Variants in ABCB1 observed in about 807,000 individuals in gnomAD.
ABCB1 encodes ATP-dependent translocase ABCB1.
Under a neutral mutation model 142.0 loss-of-function variants are expected in ABCB1, and 69 were observed. The observed-to-expected ratio is 0.49, with a 90% confidence interval of 0.40 to 0.59. The LOEUF is 0.59. Among genes scored for constraint, ABCB1 ranks in the 20% least tolerant of loss-of-function variants. The probability of loss-of-function intolerance (pLI) is 0.00; values close to 1 mark genes in which losing one functional copy is unlikely to be tolerated. For synonymous variants in ABCB1, 532 were observed against 539.2 expected (o/e 0.99, Z 0.18); for missense variants, 1,326 against 1,554.7 (o/e 0.85, Z 2.47).
chr7:87,555,076 T>A (rs1178395278), intron 8 of ABCB1, among the ~76,000 whole-genome samples: 5 of 152,222 alleles, frequency 3.3e-5, no homozygotes, highest in Admixed American at 3.3e-4. Context: ...AAGGAGATGA[T>A]GTCTATAACT....
At position 87,515,422 on chromosome 7, in the gene ABCB1, A is replaced by T; in HGVS notation, c.3091T>A (p.Leu1031Met). The change falls in exon 25 of 28, where the codon TTG becomes ATG. Residue 1031 changes from leucine (L) to methionine (M), a missense_variant. Transcript: ENST00000622132. ...YSTEGLMPNT[L>M]EGNVTFGEVV... ...TCACCAAATGTGACATTTCCTTCCA[A>T]TGTGTTCTGCAATGAGAAGAATAAC... is the stretch of plus-strand genomic sequence containing the variant. The T allele has an allele frequency of 6.2e-7, 1 of 1,614,058 alleles. No homozygotes were observed. The highest frequency in any genetic ancestry group is 8.5e-7 in the Non-Finnish European group (1 of 1,179,938).
Position 87,550,770 on chromosome 7 carries a change from T to A in ABCB1, c.1068A>T (p.Ala356=). ...TTTCATAAGCTGCTCCTCTTGCATT[T>A]GCAAATGCTTCAATGCTTGGAGATG... The part of the protein sequence containing the change: ...GQASPSIEAF[A]NARGAAYEIF... The change falls in exon 10 of 28, where the codon GCA becomes GCT. Residue 356 remains alanine (A), a synonymous_variant. Transcript: ENST00000622132. The A allele has an allele frequency of 6.2e-7, 1 of 1,614,050 alleles. No individual in the cohort carries two copies. Among genetic ancestry groups the A allele is most frequent in the African/African-American group, 1.3e-5 (1 of 75,072 alleles).
intron 24 of ABCB1, among the ~76,000 whole-genome samples, chr7:87,515,648 T>C (rs1815207397): frequency 6.6e-6 from 1 of 152,062 alleles, no homozygotes; most frequent in Non-Finnish European, 1.5e-5. Flanking sequence ...TGGAGTGCAG[T>C]GGCATGATCT....
chr7:87,513,527 A>G (rs993230265), intron 25 of ABCB1, among the ~76,000 whole-genome samples: 2 of 152,208 alleles, frequency 1.3e-5, no homozygotes, highest in African/African-American at 4.8e-5. Context: ...TGAGTACATT[A>G]GTGGATGGTG....
chr7:87,539,721 C>T (rs7795817), intron 18 of ABCB1, among the ~76,000 whole-genome samples: 10,759 of 152,172 alleles, frequency 0.071, 717 homozygotes, highest in African/African-American at 0.17. Flanking sequence ...GGTGGTCTAA[C>T]ATCTTTAGGC....
chr7:87,710,247 G>T (rs1829948610), intron 1 of ABCB1, among the ~76,000 whole-genome samples: 1 of 152,112 alleles, frequency 6.6e-6, no homozygotes. Flanking sequence ...TTGCGGTATT[G>T]AAGTAGAGAG....
intron 26 of ABCB1, among the ~76,000 whole-genome samples, chr7:87,507,833 G>A (rs1814817372): frequency 6.6e-6 from 1 of 152,184 alleles, no homozygotes; most frequent in Non-Finnish European, 1.5e-5. Context: ...AACTTTTGCA[G>A]CAACATGGAT....
At chr7:87,641,798 A>C (rs1166099431) in intron 1 of ABCB1, among the ~76,000 whole-genome samples, 1 of 152,218 alleles carries the variant, frequency 6.6e-6, no homozygotes, top group Non-Finnish European at 1.5e-5. Context: ...TGTTATCTCC[A>C]GTGATGGTGA....
chr7:87,693,950 C>G, intron 1 of ABCB1: 2 of 1,611,490 alleles, frequency 1.2e-6, no homozygotes, highest in Non-Finnish European at 1.7e-6. Context: ...CTCCAAATAC[C>G]TCTTCAAGGT....
At chr7:87,594,607 G>A (rs983847641) in intron 3 of ABCB1, among the ~76,000 whole-genome samples, 3 of 152,116 alleles carry the variant, frequency 2.0e-5, no homozygotes, top group Admixed American at 6.5e-5. Flanking sequence ...TTCCATACAA[G>A]AAAGTAACAA....
At chr7:87,563,071 A>G (rs2129789700) in intron 7 of ABCB1, among the ~76,000 whole-genome samples, 1 of 152,346 alleles carries the variant, frequency 6.6e-6, no homozygotes, top group African/African-American at 2.4e-5. Context: ...GAATAAATGG[A>G]TAAATTACTG....
chr7:87,709,360 A>G (rs1829871157), intron 1 of ABCB1: 1 of 985,344 alleles, frequency 1.0e-6, no homozygotes, highest in Non-Finnish European at 1.2e-6. Flanking sequence ...AAATTTCAAG[A>G]GAGAATTTTG....
chr7:87,629,163 G>A (rs1211756162), intron 1 of ABCB1: 3 of 402,294 alleles, frequency 7.5e-6, no homozygotes, highest in East Asian at 3.6e-5. Flanking sequence ...CAGTGCTGAA[G>A]GTACTGGAGG....
At chr7:87,580,967 C>T (rs954294811) in intron 4 of ABCB1, among the ~76,000 whole-genome samples, 4 of 151,556 alleles carry the variant, frequency 2.6e-5, no homozygotes, top group South Asian at 2.1e-4. Context: ...ATAGTGTGGT[C>T]GCTCACCTGG....
chr7:87,693,920 G>A, intron 1 of ABCB1: 1 of 1,609,340 alleles, frequency 6.2e-7, no homozygotes, highest in Non-Finnish European at 8.5e-7. Context: ...ATTTCCCAAA[G>A]TTGCAGATGG....
At chr7:87,529,187 C>G (rs1300859567) in intron 21 of ABCB1, among the ~76,000 whole-genome samples, 1 of 152,164 alleles carries the variant, frequency 6.6e-6, no homozygotes, top group Non-Finnish European at 1.5e-5. Context: ...GAGGCTGTTG[C>G]TGTGTGACTG....
In ABCB1 at chr7:87,531,992, G is replaced by A. The variant is rs190351107; in HGVS notation, c.2482-495C>T. ...TATGGAATTTAATTTAAGATAGTAA[G>A]CGCGCATTATTATCTTCCCCTTGAA... On this transcript the variant is annotated intron_variant, in intron 20 of 27. Coordinates refer to ENST00000622132, the MANE Select transcript of ABCB1 (RefSeq NM_001348946.2). Among the ~76,000 whole-genome samples, 3 of 152,274 alleles carry A rather than the reference G, an allele frequency of 2.0e-5. No individual in the cohort carries two copies. The East Asian group carries it at 5.8e-4, about 29-fold the overall frequency.
At chr7:87,512,498 T>C (rs6949448) in intron 25 of ABCB1, among the ~76,000 whole-genome samples, 95,077 of 152,056 alleles carry the variant, frequency 0.63, 30,584 homozygotes, top group African/African-American at 0.79. Flanking sequence ...AGAACCACCA[T>C]TTCAGGTCAA....
intron 23 of ABCB1, among the ~76,000 whole-genome samples, chr7:87,518,660 C>G (rs560018015): frequency 7.2e-5 from 11 of 152,288 alleles, no homozygotes; most frequent in Non-Finnish European, 1.3e-4. Context: ...TTATGTTATG[C>G]TATCAAGAGG....
Sources: gnomAD v4.1 joint callset for allele counts (sites outside exome capture counted in the v4.1 genomes callset) on GRCh38, gnomAD v4.1.1 for gene constraint, MANE v1.5 for transcripts, NCBI Gene and HGNC (gene_info 2026-07-23, HGNC 2026-07-21) for gene names.